CHRNA1: variants seen among roughly 807,000 people sequenced by gnomAD.
The protein encoded by CHRNA1 is acetylcholine receptor subunit alpha.
In CHRNA1, 35 loss-of-function variants were observed where a neutral mutation model predicts 47.1. The observed-to-expected ratio is 0.74, with a 90% CI of 0.57 to 0.99. CHRNA1 has a LOEUF of 0.99. Among genes scored for constraint, CHRNA1 ranks in the 50% least tolerant of loss-of-function variants. The pLI is 0.00. For missense variants in CHRNA1, 506 were observed against 591.1 expected (o/e 0.86, Z 1.49); for synonymous variants, 229 against 223.6 (o/e 1.02, Z -0.22).
chr2:174,750,216 G>C lies in CHRNA1; in HGVS notation c.779-47C>G, dbSNP rs896207197. On this transcript the variant is annotated intron_variant, in intron 6 of 8. Transcript: ENST00000348749. ...AAAAAAATCCCACAACTACCCATCT[G>C]GGTTGGGCTGCAGTGTTCCTCCCAC... is the stretch of plus-strand genomic sequence containing the variant. 6 of 1,493,346 alleles carry C rather than the reference G, an allele frequency of 4.0e-6. No homozygotes were observed. In the African/African-American group the frequency reaches 6.9e-5, roughly 17 times the overall value. The allele number at this position is 1,493,346 out of a possible 1,614,324, so 92.5% of individuals were successfully genotyped here.
rs919688742 is a variant in CHRNA1, at chr2:174,757,754, C to T, written c.235-79G>A. On this transcript the variant is annotated intron_variant, in intron 3 of 8. Transcript: ENST00000348749. ...TAAGGTTATCAAGAGCCCTGATGTG[C>T]ATGGGAATTCAGTATTGACAGAAAT... 2.4e-5 allele frequency: 30 copies of T among 1,264,196 alleles called. No homozygotes were observed. In the East Asian group the frequency reaches 7.0e-4, roughly 30 times the overall value. 78.3% of individuals were successfully genotyped at this position (1,264,196 alleles called of 1,614,324 possible).
In CHRNA1 at chr2:174,758,072, C is replaced by A. The variant is rs745649193; in HGVS notation, c.235-397G>T. On this transcript the variant is annotated intron_variant, in intron 3 of 8. Transcript: ENST00000348749. ...ACCTAGTGTGAACGTTTTTCTCAAGCAGGCAACATCATTTTTAAAAAGTAC... is the reference window on the plus strand; with the variant it reads ...ACCTAGTGTGAACGTTTTTCTCAAGAAGGCAACATCATTTTTAAAAAGTAC... The A allele has an allele frequency of 1.6e-5, 26 of 1,613,002 alleles. No homozygotes were observed. In the South Asian group the frequency reaches 2.5e-4, roughly 16 times the overall value.
chr2:174,763,619 G>A (rs768162777), intron 1 of CHRNA1, among the ~76,000 whole-genome samples: 8 of 152,030 alleles, frequency 5.3e-5, no homozygotes, highest in Non-Finnish European at 1.0e-4. Flanking sequence ...TCCCTCTAGC[G>A]GAAGTCTGGG....
intron 6 of CHRNA1, among the ~76,000 whole-genome samples, chr2:174,752,345 C>T (rs1683871151): frequency 6.7e-6 from 1 of 148,406 alleles, no homozygotes; most frequent in East Asian, 1.9e-4. Context: ...CCGAGGTAGG[C>T]AGATCTTTGA....
intron 6 of CHRNA1, chr2:174,752,750 T>C (rs1683881470): frequency 2.0e-5 from 1 of 50,568 alleles, no homozygotes; most frequent in East Asian, 8.7e-4. Context: ...TTTAAGATTT[T>C]GTGGTTTTTT....
chr2:174,751,460 A>G (rs933384294), intron 6 of CHRNA1, among the ~76,000 whole-genome samples: 2 of 152,190 alleles, frequency 1.3e-5, no homozygotes, highest in Non-Finnish European at 2.9e-5. Context: ...ATGTATGTAT[A>G]CGATAAAGAG....
In CHRNA1 at chr2:174,759,929, T is replaced by TAC. The variant is rs5836472; in HGVS notation, c.44-298_44-297dup. Among the ~76,000 whole-genome samples the TAC allele has an allele frequency of 0.019, 2,669 of 144,054 alleles. 74 individuals carry two copies. Among genetic ancestry groups the TAC allele is most frequent in the African/African-American group, 0.063 (2,383 of 37,818 alleles). The allele number at this position is 144,054 out of a possible 152,430, so 94.5% of individuals were successfully genotyped here. On this transcript the variant is annotated intron_variant, in intron 1 of 8. Transcript: ENST00000348749. ...GCCTGGCTGAATCAAGTTTGCCAGG[T>TAC]ACACACACACACACACACACACACA...
In CHRNA1 at chr2:174,764,391, C is replaced by G; in HGVS notation, c.4G>C (p.Glu2Gln). 6.2e-7 allele frequency: 1 copy of G among 1,612,902 alleles called. No homozygotes were observed. Among genetic ancestry groups the G allele is most frequent in the South Asian group, 1.1e-5 (1 of 90,706 alleles). ...AAGAGCAGGAGGAGAGGCCAGGGCT[C>G]CATGGGCTACCGGAGCTTGTGTGGA... is the stretch of plus-strand genomic sequence containing the variant. M[E>Q]PWPLLLLFSL... The change falls in exon 1 of 9, where the codon GAG becomes CAG. Residue 2 changes from glutamate (E) to glutamine (Q), a missense_variant. By Grantham distance (29) the Glu-to-Gln change is conservative. Transcript: ENST00000348749.
intron 1 of CHRNA1, 135 bp downstream of exon 1, chr2:174,764,217 T>C (rs1164784448): frequency 3.4e-6 from 3 of 889,548 alleles, no homozygotes. Context: ...AGGAAGAAAC[T>C]GACAGAGCAG....
chr2:174,754,495 A>G (rs1055270849), intron 4 of CHRNA1, 81 bp from the exon 5 acceptor site: 5 of 1,214,916 alleles, frequency 4.1e-6, no homozygotes, highest in African/African-American at 1.5e-5. Context: ...AACAGGAGAC[A>G]GCTGTTAATT....
At chr2:174,759,794 C>T (rs538484890) in intron 1 of CHRNA1, among the ~76,000 whole-genome samples, 161 bp from the exon 2 acceptor site, 1 of 152,222 alleles carries the variant, frequency 6.6e-6, no homozygotes, top group East Asian at 1.9e-4. Context: ...CAGTTATTGC[C>T]TTGTGTTTTT....
intron 1 of CHRNA1, among the ~76,000 whole-genome samples, chr2:174,763,030 T>C (rs538874013): frequency 1.3e-5 from 2 of 151,976 alleles, no homozygotes; most frequent in South Asian, 4.3e-4. Context: ...TTCCAAAATG[T>C]ATAAATTAAG....
At chr2:174,760,732 G>T (rs1179735234) in intron 1 of CHRNA1, among the ~76,000 whole-genome samples, 1 of 152,084 alleles carries the variant, frequency 6.6e-6, no homozygotes, top group East Asian at 1.9e-4. Context: ...ATTTTACCAC[G>T]ATTTTTTAAA....
chr2:174,764,184 A>G (rs758300716), intron 1 of CHRNA1, among the ~76,000 whole-genome samples, 168 bp downstream of exon 1: 4 of 152,200 alleles, frequency 2.6e-5, no homozygotes, highest in Non-Finnish European at 5.9e-5. Context: ...ATCTTTATCC[A>G]AAAACTCAAT....
chr2:174,750,004 A>T lies in CHRNA1; in HGVS notation c.944T>A (p.Val315Asp), dbSNP rs1228720662. 6.2e-7 allele frequency: 1 copy of T among 1,614,128 alleles called. No homozygotes were observed. Among genetic ancestry groups the T allele is most frequent in the South Asian group, 1.1e-5 (1 of 91,082 alleles). Reference protein sequence around the residue: ...VIASIIITVIVINTHHRSPST... With the variant: ...VIASIIITVIDINTHHRSPST... ...GGGTGAGCGGTGGTGTGTGTTGATGACGATGACAGTGATGATGATGGAGGC... is the reference window on the plus strand; with the variant it reads ...GGGTGAGCGGTGGTGTGTGTTGATGTCGATGACAGTGATGATGATGGAGGC... The change falls in exon 7 of 9, where the codon GTC becomes GAC. Residue 315 changes from valine (V) to aspartate (D), a missense_variant. Transcript: ENST00000348749.
chr2:174,760,091 C>T (rs1407169044), intron 1 of CHRNA1, among the ~76,000 whole-genome samples: 2 of 152,128 alleles, frequency 1.3e-5, no homozygotes, highest in Admixed American at 6.5e-5. Context: ...ACTAGAGTGG[C>T]CATAACTAAC....
rs771749641 is a variant in CHRNA1 at position 174,757,631 on chromosome 2, G to C, written c.279C>G (p.Gly93=). Residue 93 remains glycine (G), a synonymous_variant, in exon 4 of 9, where the codon GGC becomes GGG. Transcript: ENST00000348749. ...YNLKWNPDDY[G]GVKKIHIPSE... The stretch of plus-strand genomic sequence containing the variant: ...AAGGAATGTGAATTTTTTTCACACC[G>C]CCATAGTCATCTGGATTCCATTTTA... The C allele has an allele frequency of 1.2e-6, 2 of 1,613,966 alleles. No homozygotes were observed. The highest frequency in any genetic ancestry group is 1.7e-6 in the Non-Finnish European group (2 of 1,179,986).
Position 174,764,420 on chromosome 2 carries a change from G to A in CHRNA1, c.-26C>T. On this transcript the variant is annotated 5_prime_UTR_variant, in exon 1 of 9. Coordinates refer to ENST00000348749, the MANE Select transcript of CHRNA1 (RefSeq NM_000079.4). ...GGGCTACCGGAGCTTGTGTGGACCA[G>A]GGCAGAGTGGTGGCCTGTGCTTCTC... The A allele has an allele frequency of 6.2e-7, 1 of 1,609,486 alleles. No homozygotes were observed. The highest frequency in any genetic ancestry group is 8.5e-7 in the Non-Finnish European group (1 of 1,177,698).
rs183532436 is a variant in CHRNA1, at chr2:174,754,108, G to T, written c.540+111C>A. 3.5e-5 allele frequency: 35 copies of T among 1,010,652 alleles called. No individual in the cohort carries two copies. The East Asian group carries it at 8.1e-4, about 23-fold the overall frequency. The allele number at this position is 1,010,652 out of a possible 1,614,324, so 62.6% of individuals were successfully genotyped here. A position where few individuals can be genotyped will look rare whatever the true frequency, so the allele number is the denominator to read the frequency against. On this transcript the variant is annotated intron_variant, in intron 5 of 8. Coordinates refer to ENST00000348749, the MANE Select transcript of CHRNA1 (RefSeq NM_000079.4). ...ATCAACTTGAACCATCAAACTAGAT[G>T]ATTCCTAAGTTCTAACTGGTACTGA...
Sources: gnomAD v4.1 joint callset for allele counts (sites outside exome capture counted in the v4.1 genomes callset) on GRCh38, gnomAD v4.1.1 for gene constraint, MANE v1.5 for transcripts, NCBI Gene and HGNC (gene_info 2026-07-23, HGNC 2026-07-21) for gene names.